The following SCARB1 variants were observed in gnomAD, a reference collection of about 807,000 sequenced individuals.
SCARB1 encodes CD36 and LIMPII analogous 1.
SCARB1 carries 30 observed loss-of-function variants against 57.2 expected under a neutral mutation model. That is an observed-to-expected ratio of 0.52 (90% CI 0.39 to 0.71). The LOEUF (loss-of-function observed/expected upper bound fraction) is 0.71. Ranked by LOEUF, SCARB1 falls within the 30% of genes least tolerant of loss-of-function variation. The probability of loss-of-function intolerance (pLI) is 0.00; values close to 1 mark genes in which losing one functional copy is unlikely to be tolerated. For missense variants in SCARB1, 543 were observed against 671.2 expected (o/e 0.81, Z 2.11); for synonymous variants, 249 against 268.3 (o/e 0.93, Z 0.70).
chr12:124,863,652 C>T lies in SCARB1; in HGVS notation c.69G>A (p.Val23=), dbSNP rs761670738. The T allele has an allele frequency of 1.3e-6, 2 of 1,590,498 alleles. No homozygotes were observed. Among genetic ancestry groups the T allele is most frequent in the East Asian group, 4.6e-5 (2 of 43,106 alleles). ...ALGVAGLLCA[V]LGAVMIVMVP... ...CCATCACGATCATGACAGCGCCCAGCACAGCGCACAGTAGCCCCGCGACGC... is the reference window on the plus strand; with the variant it reads ...CCATCACGATCATGACAGCGCCCAGTACAGCGCACAGTAGCCCCGCGACGC... Residue 23 remains valine (V), a synonymous_variant, in exon 1 of 13, where the codon GTG becomes GTA. Coordinates refer to ENST00000261693, the MANE Select transcript of SCARB1 (RefSeq NM_005505.5).
intron 1 of SCARB1, among the ~76,000 whole-genome samples, chr12:124,826,523 C>T (rs938822869): frequency 2.6e-5 from 4 of 152,086 alleles, no homozygotes; most frequent in African/African-American, 7.2e-5. Flanking sequence ...AAAGCCTTGA[C>T]TTCCCGATCT....
At position 124,834,168 on chromosome 12, in the gene SCARB1, G is replaced by A. The variant is rs542517760; in HGVS notation, c.127-16461C>T. Among the ~76,000 whole-genome samples the A allele has an allele frequency of 2.0e-5, 3 of 152,382 alleles. No individual in the cohort carries two copies. In the South Asian group the frequency reaches 6.2e-4, roughly 32 times the overall value. On this transcript the variant is annotated intron_variant, in intron 1 of 12. Transcript: ENST00000261693. ...AGCCAGCAGGGGCCTGAGGGGCCCT[G>A]CAAGGCCAGAGCCAGGGGTCTTGTC...
chr12:124,837,527 A>G (rs1238101487), intron 1 of SCARB1, among the ~76,000 whole-genome samples: 2,481 of 94,246 alleles, frequency 0.026, 197 homozygotes, highest in East Asian at 0.15. Context: ...AAGAAAGGAA[A>G]GAAAAAGAAA....
chr12:124,837,035 C>T (rs1566230069), intron 1 of SCARB1, among the ~76,000 whole-genome samples: 1 of 152,170 alleles, frequency 6.6e-6, no homozygotes, highest in Non-Finnish European at 1.5e-5. Flanking sequence ...AAGGTGCATA[C>T]AGTCCTGGTC....
chr12:124,778,446 G>T lies in SCARB1; in HGVS notation c.*141C>A. The T allele has an allele frequency of 1.5e-6, 2 of 1,323,456 alleles. No homozygotes were observed. Among genetic ancestry groups the T allele is most frequent in the Non-Finnish European group, 9.7e-7 (1 of 1,034,546 alleles). 82.0% of individuals were successfully genotyped at this position (1,323,456 alleles called of 1,614,324 possible). ...AGGGCGTGTGTGCAGGTGTGCAACAGGCACATGGCAGCTGGGAGGCTCAGG... is the reference window on the plus strand; with the variant it reads ...AGGGCGTGTGTGCAGGTGTGCAACATGCACATGGCAGCTGGGAGGCTCAGG... On this transcript the variant is annotated 3_prime_UTR_variant, in exon 13 of 13. Coordinates refer to ENST00000261693, the MANE Select transcript of SCARB1 (RefSeq NM_005505.5).
At chr12:124,828,664 A>G (rs1010333513) in intron 1 of SCARB1, among the ~76,000 whole-genome samples, 1 of 152,196 alleles carries the variant, frequency 6.6e-6, no homozygotes, top group Non-Finnish European at 1.5e-5. Context: ...GCAGGGAGAG[A>G]CAGAGCCCCA....
At chr12:124,833,193 CTT>C (rs34730382) in intron 1 of SCARB1, among the ~76,000 whole-genome samples, 19,097 of 141,288 alleles carry the variant, frequency 0.14, 1,698 homozygotes, top group East Asian at 0.32. Flanking sequence ...AGATCCTTAA[CTT>C]TTTTTTTTTT....
chr12:124,806,583 T>A (rs1950331653), intron 7 of SCARB1, among the ~76,000 whole-genome samples: 1 of 152,148 alleles, frequency 6.6e-6, no homozygotes, highest in Non-Finnish European at 1.5e-5. Flanking sequence ...CTGGGCCTGC[T>A]CAGCAGCTGC....
At chr12:124,856,448 A>T (rs917182936) in intron 1 of SCARB1, among the ~76,000 whole-genome samples, 2 of 152,244 alleles carry the variant, frequency 1.3e-5, no homozygotes, top group African/African-American at 4.8e-5. Flanking sequence ...GGAGAGGCAA[A>T]TCTACCAGGA....
At chr12:124,863,446 C>A (rs939417330) in intron 1 of SCARB1, 149 bp downstream of exon 1, 2 of 727,458 alleles carry the variant, frequency 2.7e-6, no homozygotes, top group African/African-American at 1.9e-5. Flanking sequence ...CCTCCCGAAG[C>A]GCCTGGCCTC....
At chr12:124,806,953 C>T (rs1238233903) in intron 7 of SCARB1, among the ~76,000 whole-genome samples, 21 of 151,780 alleles carry the variant, frequency 1.4e-4, no homozygotes, top group Middle Eastern at 3.2e-3. Context: ...AATCCCAGCA[C>T]TTTGGGAGGC....
chr12:124,839,676 G>A lies in SCARB1; in HGVS notation c.127-21969C>T, dbSNP rs572131519. ...GGCACACATGGGCCCCGATTTCTCC[G>A]CACCCTCACCCCAACGGCACACATG... On this transcript the variant is annotated intron_variant, in intron 1 of 12. Coordinates refer to ENST00000261693, the MANE Select transcript of SCARB1 (RefSeq NM_005505.5). 196 of 980,204 alleles carry A rather than the reference G, an allele frequency of 2.0e-4. 40 individuals carry two copies. The Admixed American group carries it at 0.012, about 58-fold the overall frequency. 60.7% of individuals were successfully genotyped at this position (980,204 alleles called of 1,614,324 possible).
intron 1 of SCARB1, among the ~76,000 whole-genome samples, chr12:124,853,093 T>TCTTCAAAAGGTTACATTTAAG (rs1441998146): frequency 6.6e-6 from 1 of 152,080 alleles, no homozygotes; most frequent in Admixed American, 6.5e-5. Flanking sequence ...CGGGGTGTCT[T>TCTTCAAAAGGTTACATTTAAG]CTTCAAAAGG....
At chr12:124,791,500 T>C (rs891850637) in intron 9 of SCARB1, among the ~76,000 whole-genome samples, 48 of 152,300 alleles carry the variant, frequency 3.2e-4, no homozygotes, top group African/African-American at 1.1e-3. Context: ...ACCCGGCATA[T>C]AAAAGTGCTT....
Position 124,800,286 on chromosome 12 carries a change from T to G in SCARB1, c.1010-44A>C. 6.8e-7 allele frequency: 1 copy of G among 1,472,288 alleles called. No homozygotes were observed. The highest frequency in any genetic ancestry group is 9.5e-7 in the Non-Finnish European group (1 of 1,054,024). The allele number at this position is 1,472,288 out of a possible 1,614,324, so 91.2% of individuals were successfully genotyped here. ...GGGGACATCAGACAAGGACAGTATA[T>G]TGGCAGGTCCTGCCAGGCCGGAGGT... On this transcript the variant is annotated intron_variant, in intron 7 of 12. Coordinates refer to ENST00000261693, the MANE Select transcript of SCARB1 (RefSeq NM_005505.5). This position sits in a 1 kb window ranked among gnomAD's most constrained non-coding sequence, Gnocchi z 4.8.
At chr12:124,840,125 T>C in intron 1 of SCARB1, 1 of 1,213,188 alleles carries the variant, frequency 8.2e-7, no homozygotes, top group Non-Finnish European at 1.1e-6. Context: ...CTGATTCTCA[T>C]TTCCCTAACG....
intron 1 of SCARB1, among the ~76,000 whole-genome samples, chr12:124,820,999 T>C (rs1287000336): frequency 6.6e-6 from 1 of 151,956 alleles, no homozygotes; most frequent in East Asian, 1.9e-4. Context: ...TCCCAGCACT[T>C]TGAGGGGCCG....
In SCARB1 at chr12:124,817,112, G is replaced by A. The variant is rs375986105; in HGVS notation, c.284+438C>T. 3.5e-5 allele frequency among the ~76,000 whole-genome samples: 5 copies of A among 141,690 alleles called. No individual in the cohort carries two copies. The highest frequency in any genetic ancestry group is 4.0e-4 in the East Asian group (2 of 4,948). The allele number at this position is 141,690 out of a possible 152,430, so 93.0% of individuals were successfully genotyped here. On this transcript the variant is annotated intron_variant, in intron 2 of 12. Coordinates refer to ENST00000261693, the MANE Select transcript of SCARB1 (RefSeq NM_005505.5). The surrounding 1 kb of genome is among the most constrained non-coding windows in gnomAD (Gnocchi z 4.8). ...TATGTGTGTGTGTATGTGTATGTAC[G>A]TGTGTATGTATGTATGTGTGTATGT...
chr12:124,831,806 C>G (rs1951405565), intron 1 of SCARB1, among the ~76,000 whole-genome samples: 1 of 152,204 alleles, frequency 6.6e-6, no homozygotes, highest in Non-Finnish European at 1.5e-5. Flanking sequence ...TGGGAACAGC[C>G]CTTCGTCACT....
Sources: gnomAD v4.1 joint callset for allele counts (sites outside exome capture counted in the v4.1 genomes callset) on GRCh38, gnomAD v4.1.1 for gene constraint, Gnocchi (gnomAD v3.1) non-coding constraint, MANE v1.5 for transcripts, NCBI Gene and HGNC (gene_info 2026-07-23, HGNC 2026-07-21) for gene names.